Variants in EPHA6 observed in about 807,000 individuals in gnomAD.
EPHA6 encodes EPH receptor A6, also known as ephrin type-A receptor 6.
A neutral mutation model predicts 112.0 loss-of-function variants in EPHA6; 50 were observed. The observed-to-expected ratio is 0.45, with a 90% confidence interval of 0.36 to 0.56. EPHA6 has a LOEUF of 0.56. EPHA6 is among the 20% of genes least tolerant of loss of function. The pLI, the probability that EPHA6 is intolerant of heterozygous loss-of-function variation, is 0.00. For synonymous variants in EPHA6, 529 were observed against 490.7 expected, an observed-to-expected ratio of 1.08 and a Z score of -1.03; for missense variants, 1,280 against 1,417.4, an observed-to-expected ratio of 0.90 and a Z score of 1.56.
At chr3:97,415,110 C>T (rs1171837738) in intron 6 of EPHA6, among the ~76,000 whole-genome samples, 1 of 151,956 alleles carries the variant, frequency 6.6e-6, no homozygotes, top group Non-Finnish European at 1.5e-5. Flanking sequence ...CATTGATTCT[C>T]ATACAATGAA....
intron 5 of EPHA6, among the ~76,000 whole-genome samples, chr3:97,244,901 G>A (rs1028922765): frequency 7.9e-5 from 12 of 151,808 alleles, no homozygotes; most frequent in Admixed American, 3.3e-4. Flanking sequence ...ATGGTCAGGC[G>A]CAAACACTCC....
At chr3:96,954,296 C>T (rs1052812670) in intron 2 of EPHA6, among the ~76,000 whole-genome samples, 5 of 152,154 alleles carry the variant, frequency 3.3e-5, no homozygotes, top group Non-Finnish European at 4.4e-5. Context: ...AGTGGTTCAA[C>T]GTCTTATTAA....
intron 5 of EPHA6, among the ~76,000 whole-genome samples, chr3:97,391,202 T>A (rs2086376419): frequency 1.3e-5 from 2 of 152,100 alleles, no homozygotes; most frequent in Middle Eastern, 3.4e-3. Flanking sequence ...TCAATTGGAC[T>A]GTGCTTATAT....
chr3:96,909,756 A>G (rs955952184), intron 2 of EPHA6, among the ~76,000 whole-genome samples: 2 of 152,024 alleles, frequency 1.3e-5, no homozygotes, highest in Non-Finnish European at 2.9e-5. Context: ...GCCAAAAGAC[A>G]TATTAAGTGA....
chr3:97,623,148 CTT>C (rs1462445844), intron 13 of EPHA6, among the ~76,000 whole-genome samples: 5 of 151,482 alleles, frequency 3.3e-5, no homozygotes, highest in Non-Finnish European at 7.4e-5. Flanking sequence ...TTGCCTGTGG[CTT>C]TGGTATCATA....
intron 2 of EPHA6, among the ~76,000 whole-genome samples, chr3:96,953,049 A>C (rs2041615649): frequency 6.6e-6 from 1 of 152,224 alleles, no homozygotes; most frequent in African/African-American, 2.4e-5. Flanking sequence ...TTTAACACAA[A>C]GAAATAACCA....
chr3:97,541,727 G>GTTTTTTTTTTTTTTTTTTTTTTTTT (rs59024112), intron 11 of EPHA6, among the ~76,000 whole-genome samples: 1 of 131,896 alleles, frequency 7.6e-6, no homozygotes, highest in African/African-American at 2.6e-5. Context: ...TCTTTTTTTT[G>GTTTTTTTTTTTTTTTTTTTTTTTTT]TTTTTTTTTT....
chr3:97,030,423 C>A (rs2044785169), intron 3 of EPHA6, among the ~76,000 whole-genome samples: 1 of 152,164 alleles, frequency 6.6e-6, no homozygotes, highest in South Asian at 2.1e-4. Context: ...GTAGCAATTC[C>A]TTTGATGTCT....
chr3:96,923,952 A>G (rs1028145188), intron 2 of EPHA6, among the ~76,000 whole-genome samples: 1 of 151,950 alleles, frequency 6.6e-6, no homozygotes, highest in Admixed American at 6.6e-5. Flanking sequence ...GTGTGATCTT[A>G]TGTCTGGTTT....
At chr3:97,597,100 G>A (rs1234359993) in intron 12 of EPHA6, among the ~76,000 whole-genome samples, 3 of 151,748 alleles carry the variant, frequency 2.0e-5, no homozygotes, top group African/African-American at 7.3e-5. Flanking sequence ...GTGGGACTTG[G>A]AAATAGACAA....
At chr3:97,042,622 C>T (rs145729628) in intron 3 of EPHA6, among the ~76,000 whole-genome samples, 14 of 152,182 alleles carry the variant, frequency 9.2e-5, no homozygotes, top group African/African-American at 3.1e-4. Flanking sequence ...ACTCAATGCT[C>T]GGTGCTCGCC....
intron 3 of EPHA6, among the ~76,000 whole-genome samples, chr3:97,175,643 G>A (rs2076816018): frequency 6.6e-6 from 1 of 151,460 alleles, no homozygotes; most frequent in Admixed American, 6.6e-5. Flanking sequence ...AATTTTTTGT[G>A]TGGCTATTGT....
rs180846818 is a variant in EPHA6 at position 97,128,773 on chromosome 3, G to A, written c.1115-97491G>A. Among the ~76,000 whole-genome samples the A allele has an allele frequency of 4.9e-4, 74 of 152,034 alleles. 1 individual carries two copies. The highest frequency in any genetic ancestry group is 1.5e-3 in the African/African-American group (63 of 41,464). Reference sequence around the variant, plus strand: ...GGCCTCAAGTGATCTGCCCACCTTGGCCTCCCAAAGTGGTAGGATTACAGG... The same window carrying A: ...GGCCTCAAGTGATCTGCCCACCTTGACCTCCCAAAGTGGTAGGATTACAGG... On this transcript the variant is annotated intron_variant, in intron 3 of 17. Coordinates refer to ENST00000389672, the MANE Select transcript of EPHA6 (RefSeq NM_001080448.3).
chr3:96,901,715 A>G (rs1314499324), intron 2 of EPHA6, among the ~76,000 whole-genome samples: 3 of 152,156 alleles, frequency 2.0e-5, no homozygotes, highest in African/African-American at 7.2e-5. Context: ...GCCAAGGAGA[A>G]CAAAGAGGAT....
At chr3:97,587,714 G>A (rs942406475) in intron 11 of EPHA6, among the ~76,000 whole-genome samples, 2 of 151,992 alleles carry the variant, frequency 1.3e-5, no homozygotes, top group Admixed American at 6.5e-5. Context: ...TAATGTGGTT[G>A]GTGAATAACA....
At chr3:97,075,625 C>G (rs1047272541) in intron 3 of EPHA6, among the ~76,000 whole-genome samples, 5 of 151,816 alleles carry the variant, frequency 3.3e-5, no homozygotes, top group African/African-American at 1.2e-4. Flanking sequence ...CATGTCTCCC[C>G]TTTTTATTGC....
At chr3:97,371,852 G>A (rs62262766) in intron 5 of EPHA6, among the ~76,000 whole-genome samples, 463 of 152,136 alleles carry the variant, frequency 3.0e-3, no homozygotes, top group Non-Finnish European at 4.8e-3. Context: ...TTTTACCGTC[G>A]TACATAAGGG....
chr3:97,599,191 G>A (rs1185205001), intron 12 of EPHA6, among the ~76,000 whole-genome samples: 7 of 150,662 alleles, frequency 4.6e-5, no homozygotes, highest in East Asian at 3.9e-4. Context: ...AGTAGGTTGC[G>A]AAAATTTTCT....
At chr3:97,250,590 T>G (rs2079107247) in intron 5 of EPHA6, among the ~76,000 whole-genome samples, 1 of 152,234 alleles carries the variant, frequency 6.6e-6, no homozygotes, top group Non-Finnish European at 1.5e-5. Context: ...TAAACCAGAT[T>G]AGCAGATGTT....
Sources: allele counts gnomAD v4.1 joint callset (sites outside exome capture counted in the v4.1 genomes callset), GRCh38; gene constraint gnomAD v4.1.1; transcripts MANE v1.5; gene names NCBI Gene and HGNC (gene_info 2026-07-23, HGNC 2026-07-21).